GLI2: variants seen among roughly 807,000 people sequenced by gnomAD.
GLI2 encodes the protein GLI family zinc finger 2.
GLI2 carries 22 observed loss-of-function variants against 78.9 expected under a neutral mutation model. The ratio of observed to expected loss-of-function variants is 0.28; its 90% CI spans 0.20 to 0.40. The LOEUF (loss-of-function observed/expected upper bound fraction) is 0.40, where lower values mean the gene tolerates loss of function less well. Among genes scored for constraint, GLI2 ranks in the 10% least tolerant of loss-of-function variants. The pLI is 1.00. For synonymous variants in GLI2, 974 were observed against 963.7 expected (o/e 1.01, Z -0.20); for missense variants, 2,097 against 2,213.2 (o/e 0.95, Z 1.05).
At chr2:120,762,622 G>C (rs1206158880) in intron 1 of GLI2, among the ~76,000 whole-genome samples, 1 of 152,166 alleles carries the variant, frequency 6.6e-6, no homozygotes, top group Non-Finnish European at 1.5e-5. Flanking sequence ...GTGCCTCCGC[G>C]TCTCCCTGAG....
intron 2 of GLI2, among the ~76,000 whole-genome samples, chr2:120,801,125 A>G (rs1406404715): frequency 6.6e-6 from 1 of 151,596 alleles, no homozygotes; most frequent in African/African-American, 2.4e-5. Context: ...AGGCAGAAGG[A>G]TTTCACTTTT....
intron 9 of GLI2, among the ~76,000 whole-genome samples, chr2:120,975,917 C>T (rs1017764299): frequency 2.6e-5 from 4 of 152,184 alleles, no homozygotes; most frequent in African/African-American, 9.7e-5. Context: ...GGGGTTGATG[C>T]TACCCCACAG....
chr2:120,902,163 A>T (rs1438249336), intron 2 of GLI2, among the ~76,000 whole-genome samples: 2 of 151,542 alleles, frequency 1.3e-5, no homozygotes, highest in Non-Finnish European at 2.9e-5. Flanking sequence ...AAATTGGCAC[A>T]TGCTACAAGC....
Position 120,805,262 on chromosome 2 carries a change from C to A in GLI2, c.148+7794C>A, listed in dbSNP as rs554187712. 3.3e-5 allele frequency among the ~76,000 whole-genome samples: 5 copies of A among 152,362 alleles called. No individual in the cohort carries two copies. The South Asian group carries it at 1.0e-3, about 32-fold the overall frequency. On this transcript the variant is annotated intron_variant, in intron 2 of 13. Coordinates refer to ENST00000361492, the MANE Select transcript of GLI2 (RefSeq NM_001374353.1). ...TGGACTCTGGGAGGCTCTCCTGGCC[C>A]CTGCCTGTCGCTCCCCTTGGTTGCA...
chr2:120,788,248 G>A (rs111736578), intron 1 of GLI2, among the ~76,000 whole-genome samples: 12,895 of 152,292 alleles, frequency 0.085, 637 homozygotes, highest in Admixed American at 0.12. Flanking sequence ...AACCACTGAC[G>A]TGTGCACAGG....
intron 2 of GLI2, among the ~76,000 whole-genome samples, chr2:120,841,955 C>T (rs1686902665): frequency 6.8e-6 from 1 of 146,066 alleles, no homozygotes; most frequent in East Asian, 2.0e-4. Context: ...TTTGGATGAA[C>T]TGTTGGAGGT....
intron 2 of GLI2, among the ~76,000 whole-genome samples, chr2:120,829,018 C>T (rs1021007011): frequency 6.6e-6 from 1 of 152,170 alleles, no homozygotes; most frequent in Non-Finnish European, 1.5e-5. Flanking sequence ...CCCAAAATGA[C>T]ATGCTGTCAC....
At chr2:120,937,943 A>G (rs1277207931) in intron 3 of GLI2, among the ~76,000 whole-genome samples, 1 of 152,104 alleles carries the variant, frequency 6.6e-6, no homozygotes, top group Non-Finnish European at 1.5e-5. Flanking sequence ...GTGAAATATA[A>G]TGAAATCTCT....
chr2:120,898,513 G>A (rs899494708), intron 2 of GLI2, among the ~76,000 whole-genome samples: 1 of 152,134 alleles, frequency 6.6e-6, no homozygotes, highest in Non-Finnish European at 1.5e-5. Flanking sequence ...ATGCTTCAGG[G>A]AGGGGAAATG....
At chr2:120,784,614 C>T (rs897353871) in intron 1 of GLI2, among the ~76,000 whole-genome samples, 7 of 152,058 alleles carry the variant, frequency 4.6e-5, no homozygotes, top group East Asian at 3.9e-4. Flanking sequence ...TCCAGTCTGC[C>T]GGACACTTGA....
intron 1 of GLI2, among the ~76,000 whole-genome samples, chr2:120,758,733 G>T (rs1347452844): frequency 6.6e-6 from 1 of 152,246 alleles, no homozygotes; most frequent in African/African-American, 2.4e-5. Context: ...TGGCTTGCGG[G>T]TGAGGGCCGT....
chr2:120,780,231 G>T (rs1219466210), intron 1 of GLI2, among the ~76,000 whole-genome samples: 1 of 152,170 alleles, frequency 6.6e-6, no homozygotes, highest in Non-Finnish European at 1.5e-5. Context: ...CAGCTGGAAG[G>T]CAGACTCCTT....
At chr2:120,880,825 T>G (rs1312986572) in intron 2 of GLI2, among the ~76,000 whole-genome samples, 1 of 152,222 alleles carries the variant, frequency 6.6e-6, no homozygotes, top group African/African-American at 2.4e-5. Flanking sequence ...GAAAATGAGC[T>G]TAATCTGGGG....
chr2:120,926,067 C>A (rs1465788509), intron 2 of GLI2, among the ~76,000 whole-genome samples: 1 of 73,928 alleles, frequency 1.4e-5, no homozygotes, highest in African/African-American at 5.6e-5. Context: ...AGCGAGACTC[C>A]GTCTCAAAAA....
At chr2:120,961,350 A>G (rs4422162) in intron 5 of GLI2, among the ~76,000 whole-genome samples, 142,549 of 152,268 alleles carry the variant, frequency 0.94, 66,812 homozygotes, top group East Asian at 1. Context: ...CCCAAGTCAG[A>G]CAGGGATCCC....
At chr2:120,864,710 G>T (rs1345837126) in intron 2 of GLI2, among the ~76,000 whole-genome samples, 1 of 152,138 alleles carries the variant, frequency 6.6e-6, no homozygotes, top group Admixed American at 6.5e-5. Context: ...GCCTCCCAAA[G>T]TGCTGGGATT....
chr2:120,953,615 G>A (rs960292321), intron 4 of GLI2, among the ~76,000 whole-genome samples: 10 of 152,320 alleles, frequency 6.6e-5, no homozygotes, highest in South Asian at 6.2e-4. Flanking sequence ...AGACGTCTAC[G>A]GGAGGAAGGA....
At chr2:120,784,068 T>C (rs1683923707) in intron 1 of GLI2, among the ~76,000 whole-genome samples, 2 of 152,188 alleles carry the variant, frequency 1.3e-5, no homozygotes, top group Admixed American at 6.5e-5. Context: ...CTGGGGGACA[T>C]GGTGTGCGGG....
intron 2 of GLI2, among the ~76,000 whole-genome samples, chr2:120,819,014 C>G (rs59379991): frequency 0.49 from 75,094 of 151,908 alleles, 18,628 homozygotes; most frequent in South Asian, 0.52. Context: ...AGAATCCAGA[C>G]GCACTGAATA....
Sources: allele counts gnomAD v4.1 joint callset (sites outside exome capture counted in the v4.1 genomes callset), GRCh38; gene constraint gnomAD v4.1.1; transcripts MANE v1.5; gene names NCBI Gene and HGNC (gene_info 2026-07-23, HGNC 2026-07-21).